The following ST6GALNAC3 variants were observed in gnomAD, a reference collection of about 807,000 sequenced individuals.
The protein encoded by ST6GALNAC3 is alpha-N-acetylgalactosaminide alpha-2,6-sialyltransferase 3.
ST6GALNAC3 carries 25 observed loss-of-function variants against 32.7 expected under a neutral mutation model. The observed-to-expected ratio is 0.76, with a 90% CI of 0.56 to 1.07. ST6GALNAC3 has a LOEUF of 1.07. ST6GALNAC3 is among the 50% of genes least tolerant of loss of function. The pLI, the probability that ST6GALNAC3 is intolerant of heterozygous loss-of-function variation, is 0.00. For missense variants in ST6GALNAC3, 355 were observed against 382.4 expected, an observed-to-expected ratio of 0.93 and a Z score of 0.60; for synonymous variants, 129 against 133.1, an observed-to-expected ratio of 0.97 and a Z score of 0.21.
At chr1:76,239,308 C>A (rs1656836076) in intron 1 of ST6GALNAC3, among the ~76,000 whole-genome samples, 1 of 152,006 alleles carries the variant, frequency 6.6e-6, no homozygotes, top group South Asian at 2.1e-4. Context: ...TACTCCTCTT[C>A]CGTGGAGGAA....
chr1:76,351,983 T>C (rs911185552), intron 2 of ST6GALNAC3, among the ~76,000 whole-genome samples: 4 of 152,086 alleles, frequency 2.6e-5, no homozygotes, highest in African/African-American at 9.7e-5. Context: ...TTTGTGGCCA[T>C]CCGAAGGGCC....
chr1:76,253,368 A>C (rs1029813646), intron 1 of ST6GALNAC3, among the ~76,000 whole-genome samples: 3 of 152,054 alleles, frequency 2.0e-5, no homozygotes, highest in African/African-American at 7.2e-5. Flanking sequence ...ACACTATCAC[A>C]ATGTCTTTGG....
intron 2 of ST6GALNAC3, among the ~76,000 whole-genome samples, chr1:76,356,009 A>G (rs1649410247): frequency 6.6e-6 from 1 of 152,152 alleles, no homozygotes; most frequent in African/African-American, 2.4e-5. Context: ...TATAGGCAAT[A>G]ATAATTATAG....
chr1:76,237,412 G>A (rs189245306), intron 1 of ST6GALNAC3, among the ~76,000 whole-genome samples: 6 of 152,170 alleles, frequency 3.9e-5, no homozygotes, highest in Non-Finnish European at 5.9e-5. Flanking sequence ...GATTACATAC[G>A]CCTGGTGTGG....
At chr1:76,164,975 A>T (rs1299858063) in intron 1 of ST6GALNAC3, among the ~76,000 whole-genome samples, 2 of 152,192 alleles carry the variant, frequency 1.3e-5, no homozygotes, top group Non-Finnish European at 2.9e-5. Flanking sequence ...GTTCAGGGGT[A>T]CATGTGCATA....
intron 2 of ST6GALNAC3, among the ~76,000 whole-genome samples, chr1:76,390,991 G>GTTTTTTTTT (rs1652496028): frequency 7.0e-6 from 1 of 142,168 alleles, no homozygotes; most frequent in Non-Finnish European, 1.6e-5. Flanking sequence ...CCAGGCTAGA[G>GTTTTTTTTT]TGCAGTGGCA....
chr1:76,558,390 C>T (rs1665049865), intron 3 of ST6GALNAC3, among the ~76,000 whole-genome samples: 1 of 152,112 alleles, frequency 6.6e-6, no homozygotes, highest in South Asian at 2.1e-4. Flanking sequence ...ACATATACAC[C>T]ATGGAATACT....
At chr1:76,478,252 A>G (rs1200224316) in intron 3 of ST6GALNAC3, among the ~76,000 whole-genome samples, 1 of 152,046 alleles carries the variant, frequency 6.6e-6, no homozygotes, top group Non-Finnish European at 1.5e-5. Context: ...GCCTATTTAG[A>G]CTCAGGCTGC....
intron 2 of ST6GALNAC3, chr1:76,353,958 CT>C: frequency 5.4e-6 from 1 of 185,644 alleles, no homozygotes; most frequent in Non-Finnish European, 1.2e-5. Flanking sequence ...ACAGCACACC[CT>C]TCTTTCCCTG....
In ST6GALNAC3 at chr1:76,559,497, A is replaced by C. The variant is rs1320474037; in HGVS notation, c.624-67955A>C. Among the ~76,000 whole-genome samples the C allele has an allele frequency of 2.0e-5, 3 of 152,204 alleles. No individual in the cohort carries two copies. The East Asian group carries it at 5.8e-4, about 29-fold the overall frequency. On this transcript the variant is annotated intron_variant, in intron 3 of 4. Coordinates refer to ENST00000328299, the MANE Select transcript of ST6GALNAC3 (RefSeq NM_152996.4). ...ATTTGAAATCAGAAGCATAAGCAAC[A>C]ACAATAAAGAACAATAGATACGTTA...
downstream of ST6GALNAC3, among the ~76,000 whole-genome samples, chr1:76,636,051 A>G (rs1372023776): frequency 6.6e-6 from 1 of 152,190 alleles, no homozygotes; most frequent in Non-Finnish European, 1.5e-5. Flanking sequence ...TTGTTTTGAT[A>G]ATCCTTGTTC....
At chr1:76,386,137 TA>T (rs879534142) in intron 2 of ST6GALNAC3, among the ~76,000 whole-genome samples, 152 of 146,862 alleles carry the variant, frequency 1.0e-3, no homozygotes, top group African/African-American at 2.1e-3. Context: ...GCCTATATAT[TA>T]AAAAAAAAAA....
chr1:76,189,838 T>G lies in ST6GALNAC3; in HGVS notation c.18+114954T>G, dbSNP rs563226796. ...GGGTCTTATAGTCCAGGCTAAGATG[T>G]TAAGCATACCTTAGAGGCATGAAAG... On this transcript the variant is annotated intron_variant, in intron 1 of 4. Coordinates refer to ENST00000328299, the MANE Select transcript of ST6GALNAC3 (RefSeq NM_152996.4). Among the ~76,000 whole-genome samples, 4 of 152,246 alleles carry G rather than the reference T, an allele frequency of 2.6e-5. No homozygotes were observed. In the South Asian group the frequency reaches 8.3e-4, roughly 32 times the overall value.
chr1:76,441,261 T>C (rs891954642), intron 3 of ST6GALNAC3, among the ~76,000 whole-genome samples: 9 of 152,108 alleles, frequency 5.9e-5, no homozygotes, highest in African/African-American at 2.2e-4. Context: ...GTCAAGCATA[T>C]ATTATATTAC....
intron 3 of ST6GALNAC3, among the ~76,000 whole-genome samples, chr1:76,601,841 T>C (rs569591261): frequency 6.6e-6 from 1 of 151,956 alleles, no homozygotes; most frequent in African/African-American, 2.4e-5. Flanking sequence ...ACATGACCAG[T>C]TGAGAGCAAG....
intron 3 of ST6GALNAC3, among the ~76,000 whole-genome samples, chr1:76,459,751 C>T (rs114088703): frequency 0.011 from 1,626 of 152,164 alleles, 26 homozygotes; most frequent in African/African-American, 0.036. Context: ...AATAAGTGGA[C>T]TTTGAGTCTA....
chr1:76,538,047 C>G (rs1663734996), intron 3 of ST6GALNAC3, among the ~76,000 whole-genome samples: 1 of 152,120 alleles, frequency 6.6e-6, no homozygotes, highest in Admixed American at 6.6e-5. Flanking sequence ...GATACCAAGA[C>G]AGGGAAGAAG....
At chr1:76,563,851 C>T (rs185281255) in intron 3 of ST6GALNAC3, among the ~76,000 whole-genome samples, 114 of 152,316 alleles carry the variant, frequency 7.5e-4, no homozygotes, top group Non-Finnish European at 1.2e-3. Flanking sequence ...CTCCCTTCTG[C>T]CCCTCTAAAG....
At chr1:76,473,209 A>C (rs1321019446) in intron 3 of ST6GALNAC3, among the ~76,000 whole-genome samples, 1 of 152,176 alleles carries the variant, frequency 6.6e-6, no homozygotes, top group Non-Finnish European at 1.5e-5. Context: ...AGAGTGAGGA[A>C]TAGAGTAGAA....
Sources: gnomAD v4.1 joint callset for allele counts (sites outside exome capture counted in the v4.1 genomes callset) on GRCh38, gnomAD v4.1.1 for gene constraint, MANE v1.5 for transcripts, NCBI Gene and HGNC (gene_info 2026-07-23, HGNC 2026-07-21) for gene names.